MYH15: variants seen among roughly 807,000 people sequenced by gnomAD.
MYH15 encodes the protein myosin heavy chain 15.
Under a neutral mutation model 240.5 loss-of-function variants are expected in MYH15, and 227 were observed. That is an observed-to-expected ratio of 0.94 (90% confidence interval 0.85 to 1.05). The LOEUF (loss-of-function observed/expected upper bound fraction) is 1.05. MYH15 is among the 50% of genes least tolerant of loss of function. The probability of loss-of-function intolerance (pLI) is 0.00; values close to 1 mark genes in which losing one functional copy is unlikely to be tolerated. For synonymous variants in MYH15, 785 were observed against 796.7 expected, an observed-to-expected ratio of 0.99 and a Z score of 0.25; for missense variants, 2,217 against 2,247.5, an observed-to-expected ratio of 0.99 and a Z score of 0.27.
At chr3:108,397,992 C>T (rs1576207733) in intron 35 of MYH15, among the ~76,000 whole-genome samples, 4 of 152,240 alleles carry the variant, frequency 2.6e-5, no homozygotes, top group African/African-American at 7.2e-5. Flanking sequence ...GTCTCACACA[C>T]ACACAAAAAG....
At chr3:108,517,425 C>T (rs150334906) in intron 1 of MYH15, among the ~76,000 whole-genome samples, 3 of 152,242 alleles carry the variant, frequency 2.0e-5, no homozygotes, top group African/African-American at 7.2e-5. Flanking sequence ...CTCTGACTCC[C>T]GGGTTCAAGT....
intron 1 of MYH15, chr3:108,529,249 G>T: frequency 6.2e-7 from 1 of 1,602,082 alleles, no homozygotes; most frequent in Non-Finnish European, 8.5e-7. Flanking sequence ...AACATATGTT[G>T]GGAGTCCACT....
intron 1 of MYH15, among the ~76,000 whole-genome samples, chr3:108,524,550 AT>A (rs1206051292): frequency 6.6e-6 from 1 of 151,974 alleles, no homozygotes; most frequent in African/African-American, 2.4e-5. Flanking sequence ...TTACAGTTAA[AT>A]ATGCCTATCT....
rs572155955 is a variant in MYH15 at position 108,398,296 on chromosome 3, G to A, written c.5133+341C>T. 8.3e-4 allele frequency among the ~76,000 whole-genome samples: 126 copies of A among 152,252 alleles called. 1 individual carries two copies. Among genetic ancestry groups the A allele is most frequent in the African/African-American group, 2.9e-3 (120 of 41,540 alleles). ...AAGCCAAGGAATGGCAAAGATTGCCGGTAAGCCACCAGAAACTAGGAAGGG... is the reference window on the plus strand; with the variant it reads ...AAGCCAAGGAATGGCAAAGATTGCCAGTAAGCCACCAGAAACTAGGAAGGG... On this transcript the variant is annotated intron_variant, in intron 35 of 40. Transcript: ENST00000693548.
chr3:108,412,563 AC>A (rs1161247682), intron 30 of MYH15, among the ~76,000 whole-genome samples: 3 of 152,240 alleles, frequency 2.0e-5, no homozygotes, highest in African/African-American at 7.2e-5. Context: ...GGCAAACTGG[AC>A]AAACTGGTTA....
At chr3:108,522,574 C>A (rs1253689389) in intron 1 of MYH15, among the ~76,000 whole-genome samples, 1 of 151,882 alleles carries the variant, frequency 6.6e-6, no homozygotes, top group African/African-American at 2.4e-5. Flanking sequence ...ACTATGCCCA[C>A]CATAGAAGCC....
chr3:108,519,741 C>A (rs890485035), intron 1 of MYH15, among the ~76,000 whole-genome samples: 3 of 152,176 alleles, frequency 2.0e-5, no homozygotes, highest in South Asian at 2.1e-4. Flanking sequence ...GACCCACGAT[C>A]TGCATAATAG....
rs1303110738 is a variant in MYH15, at chr3:108,510,590, G to C, written c.-60C>G. 9.2e-6 allele frequency: 13 copies of C among 1,412,894 alleles called. No homozygotes were observed. The highest frequency in any genetic ancestry group is 1.5e-5 in the African/African-American group (1 of 66,964). The allele number at this position is 1,412,894 out of a possible 1,614,324, so 87.5% of individuals were successfully genotyped here. A position where few individuals can be genotyped will look rare whatever the true frequency, so the allele number is the denominator to read the frequency against. On this transcript the variant is annotated 5_prime_UTR_variant, in exon 1 of 41. Transcript: ENST00000693548. ...AACGTGAGTAGGCAAGATTCAACCT[G>C]AAAAAAAAAAATTGATACAGAGAAG...
chr3:108,397,476 A>G (rs980086448), intron 35 of MYH15, among the ~76,000 whole-genome samples: 2 of 152,148 alleles, frequency 1.3e-5, no homozygotes, highest in Admixed American at 6.5e-5. Flanking sequence ...TTGCTATATC[A>G]TTATACTTTT....
At chr3:108,472,626 CT>C (rs1302818856) in intron 12 of MYH15, among the ~76,000 whole-genome samples, 2 of 152,220 alleles carry the variant, frequency 1.3e-5, no homozygotes, top group Non-Finnish European at 2.9e-5. Flanking sequence ...ACATGACTAA[CT>C]TGCTCACCCC....
Position 108,410,579 on chromosome 3 carries a change from G to A in MYH15, c.4495+4C>T. On this transcript the variant is annotated splice_donor_region_variant and intron_variant, in intron 31 of 40. Transcript: ENST00000693548. ...GCTTTGGCTCTGAGCCCAGCTCGGTGTACCTTGGAGGTTCTTGTTCTCCCT... is the reference window on the plus strand; with the variant it reads ...GCTTTGGCTCTGAGCCCAGCTCGGTATACCTTGGAGGTTCTTGTTCTCCCT... The A allele has an allele frequency of 6.4e-7, 1 of 1,571,608 alleles. No individual in the cohort carries two copies. The highest frequency in any genetic ancestry group is 1.4e-5 in the African/African-American group (1 of 74,042).
At chr3:108,533,877 G>A (rs71321265), upstream of MYH15, among the ~76,000 whole-genome samples, 10,557 of 152,296 alleles carry the variant, frequency 0.069, 539 homozygotes, top group Non-Finnish European at 0.11. Context: ...TTCCCCTGCA[G>A]GGGGTTTAAA....
Position 108,428,799 on chromosome 3 carries a change from G to A in MYH15, c.3395C>T (p.Thr1132Ile), listed in dbSNP as rs757793524. The A allele has an allele frequency of 1.2e-6, 2 of 1,613,962 alleles. No homozygotes were observed. The highest frequency in any genetic ancestry group is 1.7e-5 in the Admixed American group (1 of 60,010). Residue 1132 changes from threonine (T) to isoleucine (I), a missense_variant, in exon 27 of 41, where the codon ACC (threonine) becomes ATC (isoleucine). By Grantham distance (89) the Thr-to-Ile change is moderately conservative. Coordinates refer to ENST00000693548, the MANE Select transcript of MYH15 (RefSeq NM_014981.3). ...AKMERERADLTQDLADLNERL... is the reference protein window; with the variant it reads ...AKMERERADLIQDLADLNERL... ...CTCATTCAAGTCAGCCAGGTCTTGG[G>A]TGAGGTCAGCTCTCTCCCTTTCCAT...
chr3:108,496,812 A>T (rs549329526), intron 6 of MYH15, among the ~76,000 whole-genome samples: 1 of 151,736 alleles, frequency 6.6e-6, no homozygotes, highest in African/African-American at 2.4e-5. Flanking sequence ...AAAAAAAAAA[A>T]AAAACCACAA....
At chr3:108,474,451 C>G (rs1472673318) in intron 12 of MYH15, among the ~76,000 whole-genome samples, 1 of 148,712 alleles carries the variant, frequency 6.7e-6, no homozygotes, top group Non-Finnish European at 1.5e-5. Flanking sequence ...CTAGGGGCTC[C>G]TTATTTTTTT....
At chr3:108,458,356 T>A (rs1343975035) in intron 18 of MYH15, among the ~76,000 whole-genome samples, 2 of 152,142 alleles carry the variant, frequency 1.3e-5, no homozygotes, top group Non-Finnish European at 2.9e-5. Flanking sequence ...TAGGAAACAA[T>A]GAGGCACAAA....
At chr3:108,442,198 C>G (rs541579007) in intron 22 of MYH15, among the ~76,000 whole-genome samples, 1 of 152,100 alleles carries the variant, frequency 6.6e-6, no homozygotes, top group East Asian at 1.9e-4. Context: ...CCATTTGCCT[C>G]ACTTAACTTG....
chr3:108,513,748 C>T (rs138742893), upstream of MYH15, among the ~76,000 whole-genome samples: 13 of 152,270 alleles, frequency 8.5e-5, no homozygotes, highest in East Asian at 2.5e-3. Flanking sequence ...AATGAATGTA[C>T]ACATTTTCCA....
At chr3:108,472,174 G>A (rs756438483) in intron 12 of MYH15, among the ~76,000 whole-genome samples, 1 of 152,202 alleles carries the variant, frequency 6.6e-6, no homozygotes, top group Admixed American at 6.5e-5. Context: ...TGGGGAGAGC[G>A]CCAACCTTTG....
Sources: gnomAD v4.1 joint callset for allele counts (sites outside exome capture counted in the v4.1 genomes callset) on GRCh38, gnomAD v4.1.1 for gene constraint, MANE v1.5 for transcripts, NCBI Gene and HGNC (gene_info 2026-07-23, HGNC 2026-07-21) for gene names.